Variants in DIS3L2 observed in about 807,000 individuals in gnomAD.
DIS3L2 encodes DIS3-like exonuclease 2.
In DIS3L2, 34 loss-of-function variants were observed where a neutral mutation model predicts 97.5. The ratio of observed to expected loss-of-function variants is 0.35; its 90% CI spans 0.27 to 0.46. DIS3L2 has a LOEUF of 0.46. DIS3L2 is among the 20% of genes least tolerant of loss of function. The pLI is 1.00. For missense variants in DIS3L2, 1,038 were observed against 1,146.0 expected (o/e 0.91, Z 1.36); for synonymous variants, 435 against 445.2 (o/e 0.98, Z 0.29).
chr2:231,963,491 T>A (rs1015756810), intron 1 of DIS3L2, among the ~76,000 whole-genome samples: 5 of 152,238 alleles, frequency 3.3e-5, no homozygotes, highest in African/African-American at 1.2e-4. Context: ...TTCTGGATAT[T>A]GGACCTTTGT....
chr2:232,109,346 C>T (rs1697454147), intron 6 of DIS3L2, among the ~76,000 whole-genome samples: 1 of 152,068 alleles, frequency 6.6e-6, no homozygotes, highest in Non-Finnish European at 1.5e-5. Context: ...GAGGCTGAGG[C>T]AGGAGAATTG....
In DIS3L2 at chr2:232,225,162, A is replaced by G. The variant is rs146212563; in HGVS notation, c.1205-13371A>G. On this transcript the variant is annotated intron_variant, in intron 10 of 20. Transcript: ENST00000325385. The stretch of plus-strand genomic sequence containing the variant: ...GCTAGTAGGAGTCTAAGTTGCCACA[A>G]CTACTTTGGGAAACCATTGTACAAT... Among the ~76,000 whole-genome samples the G allele has an allele frequency of 2.6e-3, 390 of 152,300 alleles. 1 individual carries two copies. The highest frequency in any genetic ancestry group is 6.8e-3 in the Middle Eastern group (2 of 294).
At chr2:232,077,969 CTT>C (rs749841715) in intron 5 of DIS3L2, among the ~76,000 whole-genome samples, 11 of 122,956 alleles carry the variant, frequency 8.9e-5, no homozygotes. Context: ...TTCTTTCTTT[CTT>C]TCTTTCTTTC....
intron 10 of DIS3L2, among the ~76,000 whole-genome samples, chr2:232,222,477 A>AT (rs539942261): frequency 6.6e-4 from 98 of 148,310 alleles, no homozygotes; most frequent in African/African-American, 1.9e-3. Flanking sequence ...CAAGTGAACA[A>AT]TTTTTTTTTT....
chr2:232,057,819 A>C (rs1695590979), intron 5 of DIS3L2, among the ~76,000 whole-genome samples: 1 of 152,200 alleles, frequency 6.6e-6, no homozygotes. Flanking sequence ...GAAAACTGAC[A>C]TACTAGTGAG....
At position 232,276,522 on chromosome 2, in the gene DIS3L2, G is replaced by A. The variant is rs963255722; in HGVS notation, c.1659+13082G>A. ...AGACTACCTTGTTGGTCCCTGTGGAGTTCTGTCCTGTTTGCCCAGAGGCCT... is the reference window on the plus strand; with the variant it reads ...AGACTACCTTGTTGGTCCCTGTGGAATTCTGTCCTGTTTGCCCAGAGGCCT... On this transcript the variant is annotated intron_variant, in intron 13 of 20. Transcript: ENST00000325385. The surrounding 1 kb of genome is among the most constrained non-coding windows in gnomAD (Gnocchi z 4.4). Among the ~76,000 whole-genome samples the A allele has an allele frequency of 2.0e-5, 3 of 152,216 alleles. No individual in the cohort carries two copies. The highest frequency in any genetic ancestry group is 7.2e-5 in the African/African-American group (3 of 41,454).
At chr2:232,044,664 C>A (rs967191301) in intron 5 of DIS3L2, among the ~76,000 whole-genome samples, 3 of 152,086 alleles carry the variant, frequency 2.0e-5, no homozygotes, top group African/African-American at 4.8e-5. Flanking sequence ...TGGGTGACCT[C>A]AATTGCACTT....
At chr2:232,068,889 T>A (rs2106284242) in intron 5 of DIS3L2, among the ~76,000 whole-genome samples, 1 of 151,682 alleles carries the variant, frequency 6.6e-6, no homozygotes, top group South Asian at 2.1e-4. Flanking sequence ...CGATCTCGGC[T>A]CACTGCAACC....
At chr2:231,962,716 T>A (rs1456349300) in intron 1 of DIS3L2, among the ~76,000 whole-genome samples, 1 of 152,178 alleles carries the variant, frequency 6.6e-6, no homozygotes, top group Non-Finnish European at 1.5e-5. Flanking sequence ...ATTACAGGCG[T>A]GAGCCACCGC....
chr2:232,214,901 T>C (rs1356253728), intron 10 of DIS3L2, among the ~76,000 whole-genome samples: 6 of 152,200 alleles, frequency 3.9e-5, no homozygotes, highest in Admixed American at 3.9e-4. Flanking sequence ...AAAGTTGTAT[T>C]CTCTAACATG....
At chr2:232,238,856 C>T (rs1001763020) in intron 11 of DIS3L2, among the ~76,000 whole-genome samples, 1 of 152,158 alleles carries the variant, frequency 6.6e-6, no homozygotes, top group African/African-American at 2.4e-5. Context: ...AAAATACCTG[C>T]TTTCAAACGA....
chr2:232,031,574 A>G (rs922703059), intron 5 of DIS3L2, among the ~76,000 whole-genome samples: 1 of 150,778 alleles, frequency 6.6e-6, no homozygotes, highest in Non-Finnish European at 1.5e-5. Context: ...ATAGGTATAC[A>G]TGTGCCATGG....
At chr2:232,167,798 C>T (rs945310043) in intron 9 of DIS3L2, among the ~76,000 whole-genome samples, 15 of 152,224 alleles carry the variant, frequency 9.9e-5, no homozygotes, top group African/African-American at 3.6e-4. Context: ...ACCTGTAATC[C>T]CAGCACTTTG....
intron 11 of DIS3L2, among the ~76,000 whole-genome samples, chr2:232,239,083 G>A (rs1693011884): frequency 6.6e-6 from 1 of 152,130 alleles, no homozygotes; most frequent in South Asian, 2.1e-4. Flanking sequence ...GTCCTGACCT[G>A]CCCATTACAA....
chr2:232,133,570 A>G (rs1012354228), intron 7 of DIS3L2, among the ~76,000 whole-genome samples: 2 of 152,236 alleles, frequency 1.3e-5, no homozygotes, highest in Non-Finnish European at 2.9e-5. Context: ...TGATGCCAAC[A>G]CTGAGGTCTT....
At chr2:232,097,324 C>G (rs756141035) in intron 6 of DIS3L2, among the ~76,000 whole-genome samples, 1 of 152,178 alleles carries the variant, frequency 6.6e-6, no homozygotes, top group Non-Finnish European at 1.5e-5. Context: ...ACCCAAGTAC[C>G]CCTGTGGCCA....
intron 6 of DIS3L2, among the ~76,000 whole-genome samples, chr2:232,122,803 A>G (rs1574892296): frequency 6.6e-6 from 1 of 152,346 alleles, no homozygotes. Context: ...GTTAAAAAAT[A>G]TACTTGTGCC....
At chr2:232,105,160 AT>A (rs1697325874) in intron 6 of DIS3L2, among the ~76,000 whole-genome samples, 1 of 152,282 alleles carries the variant, frequency 6.6e-6, no homozygotes, top group Admixed American at 6.5e-5. Flanking sequence ...CACTTGAATT[AT>A]TTCTACCTTT....
chr2:231,963,688 C>T (rs1046363541), intron 1 of DIS3L2, among the ~76,000 whole-genome samples: 2 of 152,046 alleles, frequency 1.3e-5, no homozygotes, highest in South Asian at 4.1e-4. Context: ...AAGTGTATTT[C>T]CTGGGTTTTC....
Sources: allele counts gnomAD v4.1 joint callset (sites outside exome capture counted in the v4.1 genomes callset), GRCh38; gene constraint gnomAD v4.1.1; non-coding constraint Gnocchi (gnomAD v3.1); transcripts MANE v1.5; gene names NCBI Gene and HGNC (gene_info 2026-07-23, HGNC 2026-07-21).